Variants in ADAMTSL1 observed in about 807,000 individuals in gnomAD.
The protein encoded by ADAMTSL1 is ADAMTS like 1.
A neutral mutation model predicts 201.8 loss-of-function variants in ADAMTSL1; 126 were observed. The observed-to-expected ratio is 0.62, with a 90% CI of 0.54 to 0.72. The LOEUF (loss-of-function observed/expected upper bound fraction) is 0.72. Among genes scored for constraint, ADAMTSL1 ranks in the 30% least tolerant of loss-of-function variants. The probability of loss-of-function intolerance (pLI) is 0.00; values close to 1 mark genes in which losing one functional copy is unlikely to be tolerated. For missense variants in ADAMTSL1, 2,679 were observed against 2,277.8 expected (o/e 1.18, Z -3.59); for synonymous variants, 1,121 against 903.4 (o/e 1.24, Z -4.32).
At chr9:18,096,621 C>T (rs1184461055) in intron 1 of ADAMTSL1, among the ~76,000 whole-genome samples, 2 of 152,152 alleles carry the variant, frequency 1.3e-5, no homozygotes, top group African/African-American at 2.4e-5. Context: ...GTTCCTAATG[C>T]TTTTTAAAAA....
intron 23 of ADAMTSL1, among the ~76,000 whole-genome samples, chr9:18,842,023 G>A (rs1362673658): frequency 1.3e-5 from 2 of 150,878 alleles, no homozygotes; most frequent in Non-Finnish European, 3.0e-5. Flanking sequence ...AGGGTTTTTT[G>A]TGTCTCTATT....
intron 4 of ADAMTSL1, among the ~76,000 whole-genome samples, chr9:18,596,807 G>A (rs1476415046): frequency 6.6e-6 from 1 of 152,116 alleles, no homozygotes. Context: ...GGATGCAATG[G>A]GAACATACAG....
At chr9:18,711,794 G>A (rs1480551646) in intron 14 of ADAMTSL1, among the ~76,000 whole-genome samples, 20 of 151,958 alleles carry the variant, frequency 1.3e-4, no homozygotes, top group African/African-American at 4.6e-4. Context: ...TCTGGGGGCA[G>A]GGCACAGACA....
chr9:18,184,637 C>T (rs527942426), intron 2 of ADAMTSL1, among the ~76,000 whole-genome samples: 2 of 152,294 alleles, frequency 1.3e-5, no homozygotes, highest in South Asian at 4.1e-4. Context: ...TGAACATTAG[C>T]CAGAGATTCC....
chr9:18,626,097 C>G (rs567289743), intron 5 of ADAMTSL1, among the ~76,000 whole-genome samples: 1 of 152,292 alleles, frequency 6.6e-6, no homozygotes, highest in South Asian at 2.1e-4. Flanking sequence ...CTGCCCCTGG[C>G]TGCTTTGGGC....
chr9:18,674,770 C>T (rs1830041514), intron 9 of ADAMTSL1, among the ~76,000 whole-genome samples: 2 of 152,074 alleles, frequency 1.3e-5, no homozygotes, highest in African/African-American at 2.4e-5. Flanking sequence ...CAAAGAGGGG[C>T]TTTCTATCAT....
intron 1 of ADAMTSL1, among the ~76,000 whole-genome samples, chr9:17,958,629 G>A (rs1828020242): frequency 6.6e-6 from 1 of 152,038 alleles, no homozygotes; most frequent in Admixed American, 6.6e-5. Context: ...GGCATGGTGT[G>A]CTTTGTGTAT....
At chr9:18,428,433 A>AC (rs1390258387) in intron 2 of ADAMTSL1, among the ~76,000 whole-genome samples, 2 of 41,424 alleles carry the variant, frequency 4.8e-5, no homozygotes, top group Middle Eastern at 0.011. Flanking sequence ...CCCTATGTCT[A>AC]CAAAAAAAAA....
intron 1 of ADAMTSL1, among the ~76,000 whole-genome samples, chr9:18,150,147 G>A (rs1163045944): frequency 6.6e-6 from 1 of 152,050 alleles, no homozygotes; most frequent in Non-Finnish European, 1.5e-5. Flanking sequence ...TTTGAAAGTT[G>A]TCATTGTATC....
chr9:18,728,044 C>T (rs1817996338), intron 15 of ADAMTSL1, among the ~76,000 whole-genome samples: 1 of 151,878 alleles, frequency 6.6e-6, no homozygotes, highest in Non-Finnish European at 1.5e-5. Flanking sequence ...CATGCCATTG[C>T]ACTCCAGCCT....
At chr9:18,492,202 C>T (rs1483397175) in intron 1 of ADAMTSL1, among the ~76,000 whole-genome samples, 4 of 152,044 alleles carry the variant, frequency 2.6e-5, no homozygotes, top group Admixed American at 6.5e-5. Flanking sequence ...TGATATAGCA[C>T]ATTATAATAC....
At chr9:18,627,430 G>A (rs936556878) in intron 5 of ADAMTSL1, among the ~76,000 whole-genome samples, 3 of 152,206 alleles carry the variant, frequency 2.0e-5, no homozygotes, top group African/African-American at 7.2e-5. Flanking sequence ...CACAGACTAA[G>A]TGATTTAAAG....
intron 2 of ADAMTSL1, among the ~76,000 whole-genome samples, chr9:18,208,056 T>G (rs1256423433): frequency 6.6e-6 from 1 of 152,178 alleles, no homozygotes; most frequent in African/African-American, 2.4e-5. Flanking sequence ...ACTCAGAGTC[T>G]CAGGTTTTCT....
chr9:18,645,875 C>G (rs1453378116), intron 7 of ADAMTSL1, among the ~76,000 whole-genome samples: 1 of 128,442 alleles, frequency 7.8e-6, no homozygotes, highest in South Asian at 2.7e-4. Context: ...GATGTGGGCT[C>G]TTTTTTGGTT....
chr9:18,175,154 G>A (rs1437071207), intron 2 of ADAMTSL1, among the ~76,000 whole-genome samples: 1 of 152,108 alleles, frequency 6.6e-6, no homozygotes, highest in Non-Finnish European at 1.5e-5. Context: ...TTTCCAACTG[G>A]CTGTGAGACT....
At chr9:18,844,517 C>T (rs979385872) in intron 23 of ADAMTSL1, among the ~76,000 whole-genome samples, 8 of 152,196 alleles carry the variant, frequency 5.3e-5, no homozygotes, top group South Asian at 2.1e-4. Context: ...GCAGTCTGCC[C>T]ATTCTCAGAT....
At chr9:18,778,625 A>G (rs1239715548) in intron 19 of ADAMTSL1, among the ~76,000 whole-genome samples, 3 of 152,130 alleles carry the variant, frequency 2.0e-5, no homozygotes, top group Admixed American at 1.3e-4. Context: ...GTCTCTTTTA[A>G]TCTTTACAGG....
In ADAMTSL1 at chr9:18,260,423, C is replaced by T. The variant is rs16936483; in HGVS notation, c.207+96442C>T. On this transcript the variant is annotated intron_variant, in intron 2 of 29. Coordinates refer to the ADAMTSL1 transcript ENST00000680146. ...AAATATTCCGCAAACATGACTGTCT[C>T]GGCTTTCAGCAATATGGCACCCAGC... is the stretch of plus-strand genomic sequence containing the variant. Among the ~76,000 whole-genome samples, 1,346 of 152,356 alleles carry T rather than the reference C, an allele frequency of 8.8e-3. 15 individuals carry two copies. Among genetic ancestry groups the T allele is most frequent in the African/African-American group, 0.031 (1,289 of 41,588 alleles).
intron 1 of ADAMTSL1, among the ~76,000 whole-genome samples, chr9:17,976,499 A>G (rs778649249): frequency 2.0e-5 from 3 of 151,458 alleles, no homozygotes; most frequent in East Asian, 1.9e-4. Context: ...TGTACATGGG[A>G]TTGTTTTCTC....
Sources: gnomAD v4.1 joint callset for allele counts (sites outside exome capture counted in the v4.1 genomes callset) on GRCh38, gnomAD v4.1.1 for gene constraint, MANE v1.5 for transcripts, NCBI Gene and HGNC (gene_info 2026-07-23, HGNC 2026-07-21) for gene names.